The following LINGO2 variants were observed in gnomAD, a reference collection of about 807,000 sequenced individuals.
The protein encoded by LINGO2 is leucine rich repeat and Ig domain containing 2, also known as leucine-rich repeat and immunoglobulin-like domain-containing nogo receptor-interacting protein 2.
LINGO2 carries 14 observed loss-of-function variants against 30.6 expected under a neutral mutation model. That is an observed-to-expected ratio of 0.46 (90% CI 0.30 to 0.72). The LOEUF is 0.72. Among genes scored for constraint, LINGO2 ranks in the 30% least tolerant of loss-of-function variants. The probability of loss-of-function intolerance (pLI) is 0.07; values close to 1 mark genes in which losing one functional copy is unlikely to be tolerated. For missense variants in LINGO2, 729 were observed against 751.7 expected (o/e 0.97, Z 0.35); for synonymous variants, 317 against 288.5 (o/e 1.10, Z -1.00).
intron 3 of LINGO2, among the ~76,000 whole-genome samples, chr9:28,360,066 T>C (rs908780563): frequency 6.6e-6 from 1 of 152,220 alleles, no homozygotes; most frequent in Non-Finnish European, 1.5e-5. Context: ...ATTAGAGTTC[T>C]AGAAGGTAAG....
chr9:28,521,971 TG>T (rs1369845126), intron 1 of LINGO2, among the ~76,000 whole-genome samples: 2 of 152,230 alleles, frequency 1.3e-5, no homozygotes, highest in Non-Finnish European at 2.9e-5. Context: ...GATCCTTCTC[TG>T]TATCCATCGA....
intron 4 of LINGO2, among the ~76,000 whole-genome samples, chr9:28,175,037 G>C (rs1369600785): frequency 6.6e-6 from 1 of 151,970 alleles, no homozygotes; most frequent in East Asian, 1.9e-4. Context: ...GCCCATACCA[G>C]CATCAGGCAG....
intron 4 of LINGO2, among the ~76,000 whole-genome samples, chr9:28,127,995 AT>A (rs1827286223): frequency 6.6e-6 from 1 of 152,188 alleles, no homozygotes; most frequent in Non-Finnish European, 1.5e-5. Context: ...AAGTGTCTCT[AT>A]TTAAAAAATC....
chr9:28,571,908 C>T (rs1426194235), intron 1 of LINGO2, among the ~76,000 whole-genome samples: 1 of 152,000 alleles, frequency 6.6e-6, no homozygotes, highest in Non-Finnish European at 1.5e-5. Flanking sequence ...TGTTCCCAAA[C>T]TTTGTTTTAT....
intron 1 of LINGO2, among the ~76,000 whole-genome samples, chr9:28,653,370 A>G (rs1588029944): frequency 6.6e-6 from 1 of 152,168 alleles, no homozygotes; most frequent in East Asian, 1.9e-4. Flanking sequence ...AGACTTGGGT[A>G]TGACTCACTC....
the LINGO2 span, among the ~76,000 whole-genome samples, chr9:28,846,642 T>C: frequency 3.4e-5 from 5 of 147,476 alleles, 1 homozygote; most frequent in African/African-American, 1.3e-4. Context: ...CCACCTTTGT[T>C]CTTATTTCCT....
At chr9:28,459,254 T>C (rs1394553909) in intron 2 of LINGO2, among the ~76,000 whole-genome samples, 1 of 118,718 alleles carries the variant, frequency 8.4e-6, no homozygotes, top group Non-Finnish European at 1.7e-5. Context: ...TTTAAAAGGA[T>C]GGGAAGGAGA....
At chr9:28,520,667 T>C (rs368981884) in intron 1 of LINGO2, among the ~76,000 whole-genome samples, 5 of 152,262 alleles carry the variant, frequency 3.3e-5, no homozygotes, top group African/African-American at 7.2e-5. Context: ...CCAAGAGGCA[T>C]TGAATAAAGA....
chr9:28,790,421 C>G, the LINGO2 span, among the ~76,000 whole-genome samples: 1 of 150,236 alleles, frequency 6.7e-6, no homozygotes, highest in Non-Finnish European at 1.5e-5. Flanking sequence ...CTCCGCCTCC[C>G]GGGTTCACGC....
At chr9:28,570,761 C>A (rs1377374927) in intron 1 of LINGO2, among the ~76,000 whole-genome samples, 2 of 151,854 alleles carry the variant, frequency 1.3e-5, no homozygotes, top group Non-Finnish European at 1.5e-5. Flanking sequence ...AACAGTAGAA[C>A]AAAAATTTTA....
At chr9:28,574,331 G>T (rs1446042937) in intron 1 of LINGO2, among the ~76,000 whole-genome samples, 2 of 152,192 alleles carry the variant, frequency 1.3e-5, no homozygotes, top group Non-Finnish European at 2.9e-5. Context: ...ATCAGATCCT[G>T]AAGGGAATTT....
the LINGO2 span, among the ~76,000 whole-genome samples, chr9:29,212,214 G>A: frequency 6.6e-6 from 1 of 152,028 alleles, no homozygotes; most frequent in East Asian, 1.9e-4. Flanking sequence ...TGCGGAGCTC[G>A]GAAGCGCGCC....
At chr9:28,290,258 G>A (rs1215000778) in intron 4 of LINGO2, among the ~76,000 whole-genome samples, 1 of 152,150 alleles carries the variant, frequency 6.6e-6, no homozygotes, top group Non-Finnish European at 1.5e-5. Flanking sequence ...TGGGCCTAGC[G>A]CTGTATTAAG....
chr9:28,866,198 G>A, the LINGO2 span, among the ~76,000 whole-genome samples: 1 of 152,054 alleles, frequency 6.6e-6, no homozygotes, highest in African/African-American at 2.4e-5. Context: ...ATTTTCCGGT[G>A]CACTGATTAT....
At chr9:28,377,606 T>G (rs1377348982) in intron 2 of LINGO2, among the ~76,000 whole-genome samples, 1 of 152,118 alleles carries the variant, frequency 6.6e-6, no homozygotes, top group African/African-American at 2.4e-5. Context: ...ATAGTATACA[T>G]GTACACACAT....
chr9:28,479,138 T>C (rs1024848173), intron 1 of LINGO2, among the ~76,000 whole-genome samples: 1 of 152,032 alleles, frequency 6.6e-6, no homozygotes, highest in African/African-American at 2.4e-5. Flanking sequence ...GTGCTTTGTA[T>C]ATATTAACTA....
chr9:28,959,580 T>TTA, the LINGO2 span, among the ~76,000 whole-genome samples: 18 of 135,944 alleles, frequency 1.3e-4, no homozygotes, highest in African/African-American at 2.2e-4. Flanking sequence ...CCTTTCTCTT[T>TTA]TCTTTTATCT....
intron 4 of LINGO2, among the ~76,000 whole-genome samples, chr9:28,175,636 T>A (rs1307609393): frequency 1.3e-5 from 2 of 152,196 alleles, no homozygotes; most frequent in Non-Finnish European, 2.9e-5. Context: ...CTACGAGATA[T>A]GATCCTTTGC....
intron 4 of LINGO2, among the ~76,000 whole-genome samples, chr9:28,040,434 T>C (rs1017824799): frequency 4.6e-5 from 7 of 151,520 alleles, no homozygotes; most frequent in African/African-American, 1.7e-4. Context: ...GTTTTTTTTT[T>C]TTTTTTTTTT....
Sources: allele counts gnomAD v4.1 joint callset (sites outside exome capture counted in the v4.1 genomes callset), GRCh38; gene constraint gnomAD v4.1.1; transcripts MANE v1.5; gene names NCBI Gene and HGNC (gene_info 2026-07-23, HGNC 2026-07-21).